ANKRD50: variants seen among roughly 807,000 people sequenced by gnomAD.
ANKRD50 encodes ankyrin repeat domain-containing protein 50.
Under a neutral mutation model 112.0 loss-of-function variants are expected in ANKRD50, and 40 were observed. That is an observed-to-expected ratio of 0.36 (90% CI 0.28 to 0.46). ANKRD50 has a LOEUF of 0.46. Ranked by LOEUF, ANKRD50 falls within the 20% of genes least tolerant of loss-of-function variation. ANKRD50 has a pLI of 1.00. For synonymous variants in ANKRD50, 613 were observed against 619.1 expected (o/e 0.99, Z 0.15); for missense variants, 1,487 against 1,701.7 (o/e 0.87, Z 2.22).
intron 2 of ANKRD50, among the ~76,000 whole-genome samples, chr4:124,690,991 T>C (rs1725123125): frequency 6.6e-6 from 1 of 152,180 alleles, no homozygotes; most frequent in African/African-American, 2.4e-5. Flanking sequence ...GTATTCTCTT[T>C]GTTATGGCCT....
rs1359591701 is a variant in ANKRD50, at chr4:124,670,234, C to G, written c.3043G>C (p.Ala1015Pro). 2.5e-6 allele frequency: 4 copies of G among 1,613,716 alleles called. No individual in the cohort carries two copies. In the African/African-American group the frequency reaches 5.3e-5, roughly 22 times the overall value. ...CCCTGCCAGGCTGCAGACTGCAAAG[C>G]AGAGCGCTTTTCATTGTCTGCAGCA... The part of the protein sequence containing the change: ...VNAADNEKRS[A>P]LQSAAWQGHV... Residue 1015 changes from alanine to proline, a missense_variant, in exon 4 of 5, where the codon GCT becomes CCT. Ala to Pro is a conservative substitution (Grantham distance 27, BLOSUM62 -1). Transcript: ENST00000504087.
chr4:124,676,516 A>T (rs746284009), intron 3 of ANKRD50, among the ~76,000 whole-genome samples: 42 of 151,642 alleles, frequency 2.8e-4, no homozygotes, highest in Non-Finnish European at 5.9e-4. Context: ...CTATATGTAC[A>T]CACACCCAAA....
intron 2 of ANKRD50, among the ~76,000 whole-genome samples, chr4:124,696,454 C>T (rs553258810): frequency 6.6e-6 from 1 of 152,146 alleles, no homozygotes; most frequent in South Asian, 2.1e-4. Flanking sequence ...ACTATACTAT[C>T]TGAAGAAGTA....
At chr4:124,705,915 G>A (rs575575746) in intron 2 of ANKRD50, among the ~76,000 whole-genome samples, 318 of 152,012 alleles carry the variant, frequency 2.1e-3, no homozygotes, top group African/African-American at 7.4e-3. Context: ...CAGAAATGAG[G>A]AAATAAAATA....
chr4:124,689,302 G>A (rs1725079180), intron 2 of ANKRD50, among the ~76,000 whole-genome samples: 1 of 152,054 alleles, frequency 6.6e-6, no homozygotes, highest in Admixed American at 6.6e-5. Context: ...CCAGTGTCAC[G>A]TCTTTAAGAT....
At chr4:124,708,487 A>T (rs576865702) in intron 2 of ANKRD50, among the ~76,000 whole-genome samples, 21 of 152,210 alleles carry the variant, frequency 1.4e-4, no homozygotes, top group African/African-American at 5.1e-4. Context: ...GACTTTAATA[A>T]ATTCCTCCCA....
At chr4:124,678,235 A>C (rs1263802242) in intron 3 of ANKRD50, among the ~76,000 whole-genome samples, 1 of 152,070 alleles carries the variant, frequency 6.6e-6, no homozygotes, top group African/African-American at 2.4e-5. Flanking sequence ...AGAGTGTGTT[A>C]ATCTAATAGG....
rs139499397 is a variant in ANKRD50 at position 124,670,299 on chromosome 4, T to A, written c.2978A>T (p.Glu993Val). 1 of 1,613,960 alleles carries A rather than the reference T, an allele frequency of 6.2e-7. No homozygotes were observed. The highest frequency in any genetic ancestry group is 1.3e-5 in the African/African-American group (1 of 75,040). Reference sequence around the variant, plus strand: ...GTATGCTATCAGGACCTGCACCATTTCCATATGGCCTTGCCAACAAGACAC... The same window carrying A: ...GTATGCTATCAGGACCTGCACCATTACCATATGGCCTTGCCAACAAGACAC... ...LHVSCWQGHM[E>V]MVQVLIAYHA... The change falls in exon 4 of 5, where the codon GAA becomes GTA. Residue 993 changes from glutamate (E) to valine (V), a missense_variant. Around this residue, in one of 2 missense-constraint regions of ANKRD50, gnomAD observed 1,046 missense variants for 1,269.5 expected, o/e 0.82. Transcript: ENST00000504087.
intron 3 of ANKRD50, among the ~76,000 whole-genome samples, chr4:124,677,975 G>T (rs534314210): frequency 1.3e-5 from 2 of 152,098 alleles, no homozygotes; most frequent in South Asian, 4.1e-4. Context: ...CAACAAGAAA[G>T]AATGCCATAT....
At chr4:124,708,926 T>A (rs139180305) in intron 2 of ANKRD50, among the ~76,000 whole-genome samples, 1 of 152,044 alleles carries the variant, frequency 6.6e-6, no homozygotes, top group East Asian at 1.9e-4. Context: ...CTGTAATTAC[T>A]ATTAAATATT....
rs543145908 is a variant in ANKRD50 at position 124,704,066 on chromosome 4, T to G, written c.512+5934A>C. Among the ~76,000 whole-genome samples, 16 of 152,258 alleles carry G rather than the reference T, an allele frequency of 1.1e-4. No individual in the cohort carries two copies. The East Asian group carries it at 2.9e-3, about 28-fold the overall frequency. ...TTTGAATAAACAGAAGTTTGTATCT[T>G]AAAGTAGAAAGGACATAGTTAAAAG... On this transcript the variant is annotated intron_variant, in intron 2 of 4. Transcript: ENST00000504087.
chr4:124,674,386 G>A (rs577438226), intron 3 of ANKRD50, among the ~76,000 whole-genome samples: 1 of 151,800 alleles, frequency 6.6e-6, no homozygotes, highest in Non-Finnish European at 1.5e-5. Flanking sequence ...TAACAGGTAG[G>A]GTTCTACAGA....
At position 124,710,464 on chromosome 4, in the gene ANKRD50, A is replaced by C; in HGVS notation, c.48T>G (p.Ser16Arg). Residue 16 changes from serine (S) to arginine (R), a missense_variant, in exon 2 of 5, where the codon AGT becomes AGG. Ser to Arg is a moderately radical substitution (Grantham distance 110). Around this residue, in one of 2 missense-constraint regions of ANKRD50, gnomAD observed 1,046 missense variants for 1,269.5 expected, o/e 0.82. Transcript: ENST00000504087. ...AGTAAAACTGCTTCCCTTGCAGTAAACTGGTTTGAGCCATTTTGCAGACTT... is the reference window on the plus strand; with the variant it reads ...AGTAAAACTGCTTCCCTTGCAGTAACCTGGTTTGAGCCATTTTGCAGACTT... ...EEKVCKMAQT[S>R]LLQGKQFYCR... 1.2e-6 allele frequency: 2 copies of C among 1,613,958 alleles called. No homozygotes were observed. Among genetic ancestry groups the C allele is most frequent in the Non-Finnish European group, 1.7e-6 (2 of 1,179,994 alleles).
intron 2 of ANKRD50, among the ~76,000 whole-genome samples, chr4:124,692,611 A>G (rs1725162572): frequency 6.6e-6 from 1 of 152,180 alleles, no homozygotes; most frequent in African/African-American, 2.4e-5. Flanking sequence ...TCATGAGGGC[A>G]GAAACTTCAT....
At chr4:124,692,369 C>G (rs886939814) in intron 2 of ANKRD50, among the ~76,000 whole-genome samples, 1 of 152,004 alleles carries the variant, frequency 6.6e-6, no homozygotes, top group Non-Finnish European at 1.5e-5. Flanking sequence ...TATTTTAAAG[C>G]AATTTGGCTT....
intron 2 of ANKRD50, among the ~76,000 whole-genome samples, chr4:124,682,433 C>G (rs1194278621): frequency 6.6e-6 from 1 of 151,024 alleles, no homozygotes; most frequent in Non-Finnish European, 1.5e-5. Context: ...GTCCAAGGGT[C>G]CTACGTACTT....
At position 124,682,467 on chromosome 4, in the gene ANKRD50, T is replaced by C. The variant is rs540636751; in HGVS notation, c.513-3562A>G. Among the ~76,000 whole-genome samples the C allele has an allele frequency of 2.0e-5, 3 of 152,258 alleles. No individual in the cohort carries two copies. The East Asian group carries it at 5.8e-4, about 29-fold the overall frequency. On this transcript the variant is annotated intron_variant, in intron 2 of 4. Coordinates refer to ENST00000504087, the MANE Select transcript of ANKRD50 (RefSeq NM_020337.3). ...TTACTGATTTTTGGTTTATTTACTC[T>C]ATCAGTTGTTAAAAAGGGAGTGTTA...
Position 124,669,712 on chromosome 4 carries a change from T to G in ANKRD50, c.3565A>C (p.Asn1189His). ...GATGAAGTAGTTCTCAAAGATGAAT[T>G]TTTTGAGCTTTTCAGGGAATTATTT... ...LSNNSLKSSK[N>H]SSLRTTSSTA... Residue 1189 changes from asparagine to histidine, a missense_variant, in exon 4 of 5, where the codon AAT (asparagine) becomes CAT (histidine). Asn to His is a moderately conservative substitution (Grantham distance 68, BLOSUM62 1). This residue lies in a region of ANKRD50 where 441 missense variants were observed against 432.2 expected (regional missense o/e 1.02). Transcript: ENST00000504087. 6.2e-7 allele frequency: 1 copy of G among 1,613,226 alleles called. No homozygotes were observed. The highest frequency in any genetic ancestry group is 8.5e-7 in the Non-Finnish European group (1 of 1,179,734).
intron 1 of ANKRD50, among the ~76,000 whole-genome samples, chr4:124,712,045 A>G (rs934994644): frequency 1.3e-5 from 2 of 151,980 alleles, no homozygotes; most frequent in Admixed American, 1.3e-4. Flanking sequence ...GCCGGGCACC[A>G]CCTTGGGTTG....
Sources: gnomAD v4.1 joint callset for allele counts (sites outside exome capture counted in the v4.1 genomes callset) on GRCh38, gnomAD v4.1.1 for gene constraint, gnomAD v4.1.1 regional missense constraint, MANE v1.5 for transcripts, NCBI Gene and HGNC (gene_info 2026-07-23, HGNC 2026-07-21) for gene names.